Variants in SP140 observed in about 807,000 individuals in gnomAD.
SP140 encodes SP140 nuclear body protein.
A neutral mutation model predicts 125.0 loss-of-function variants in SP140; 81 were observed. The observed-to-expected ratio is 0.65, with a 90% CI of 0.54 to 0.78. The LOEUF (loss-of-function observed/expected upper bound fraction) is 0.78, where lower values mean the gene tolerates loss of function less well. Ranked by LOEUF, SP140 falls within the 30% of genes least tolerant of loss-of-function variation. The pLI is 0.00. For missense variants in SP140, 858 were observed against 1,037.0 expected, an observed-to-expected ratio of 0.83 and a Z score of 2.37; for synonymous variants, 312 against 354.0, an observed-to-expected ratio of 0.88 and a Z score of 1.33.
At position 230,248,916 on chromosome 2, in the gene SP140, T is replaced by C; in HGVS notation, c.924T>C (p.Thr308=). Residue 308 remains threonine, a synonymous_variant, in exon 9 of 27, where the codon ACT becomes ACC. Transcript: ENST00000392045. ...ETFDLKTPQV[T]NEGEPEKGLC... ...TTGATCTAAAAACTCCCCAAGTCAC[T>C]AATGAAGGAGAACCAGAGAAGGGGC... 1 of 1,612,772 alleles carries C rather than the reference T, an allele frequency of 6.2e-7. No individual in the cohort carries two copies. Among genetic ancestry groups the C allele is most frequent in the Non-Finnish European group, 8.5e-7 (1 of 1,178,848 alleles).
chr2:230,234,722 A>G (rs1380716060), intron 1 of SP140, among the ~76,000 whole-genome samples: 1 of 151,882 alleles, frequency 6.6e-6, no homozygotes, highest in Non-Finnish European at 1.5e-5. Flanking sequence ...ATTTTCATTC[A>G]CTTTTTAAAA....
At chr2:230,269,710 TATAAGG>T (rs2053635763) in intron 13 of SP140, 92 bp downstream of exon 13, 1 of 1,060,060 alleles carries the variant, frequency 9.4e-7, no homozygotes, top group Admixed American at 2.1e-5. Context: ...AAGAGTCAAA[TATAAGG>T]AGGAGCAGTG....
At chr2:230,309,633 A>C (rs1458834745) in intron 22 of SP140, among the ~76,000 whole-genome samples, 1 of 152,266 alleles carries the variant, frequency 6.6e-6, no homozygotes. Flanking sequence ...GAAATTATTC[A>C]GATTCCTATA....
At chr2:230,301,054 A>G (rs1023787973) in intron 22 of SP140, among the ~76,000 whole-genome samples, 2 of 152,208 alleles carry the variant, frequency 1.3e-5, no homozygotes, top group African/African-American at 4.8e-5. Flanking sequence ...AGAATGAACT[A>G]CAGAACTCGA....
chr2:230,233,968 G>T (rs190183493), intron 1 of SP140, among the ~76,000 whole-genome samples: 4 of 152,304 alleles, frequency 2.6e-5, no homozygotes, highest in South Asian at 4.1e-4. Flanking sequence ...ATCCTAGGGG[G>T]TCCCTAACCC....
At chr2:230,221,795 A>T (rs898328217), upstream of SP140, 24 of 1,383,592 alleles carry the variant, frequency 1.7e-5, 1 homozygote, top group Admixed American at 4.8e-4. Context: ...CTATTCAGAG[A>T]TACACCAGGC....
At chr2:230,285,902 G>T in intron 17 of SP140, 70 bp downstream of exon 17, 1 of 1,160,904 alleles carries the variant, frequency 8.6e-7, no homozygotes, top group Non-Finnish European at 1.3e-6. Flanking sequence ...GTATTGACGA[G>T]CCTAGATCCA....
At chr2:230,309,595 C>T (rs2059145075) in intron 22 of SP140, among the ~76,000 whole-genome samples, 1 of 152,214 alleles carries the variant, frequency 6.6e-6, no homozygotes. Context: ...CACTTCATTT[C>T]AAAACCTGGT....
At chr2:230,253,162 G>A (rs893808957) in intron 10 of SP140, among the ~76,000 whole-genome samples, 154 bp from the exon 11 acceptor site, 5 of 152,180 alleles carry the variant, frequency 3.3e-5, no homozygotes, top group African/African-American at 1.2e-4. Context: ...GAACGGTGAG[G>A]AGGACACTGA....
intron 15 of SP140, among the ~76,000 whole-genome samples, chr2:230,272,467 A>G (rs2054075263): frequency 6.6e-6 from 1 of 152,104 alleles, no homozygotes; most frequent in South Asian, 2.1e-4. Flanking sequence ...TGCTATTCTC[A>G]TAATAGTGAA....
At chr2:230,252,573 G>T (rs1237844372) in intron 10 of SP140, among the ~76,000 whole-genome samples, 2 of 152,160 alleles carry the variant, frequency 1.3e-5, no homozygotes, top group African/African-American at 4.8e-5. Flanking sequence ...GTGCCAACAT[G>T]GGGTGGGAGA....
rs200392388 is a variant in SP140 at position 230,238,317 on chromosome 2, G to A, written c.342G>A (p.Leu114=). 3.7e-6 allele frequency: 6 copies of A among 1,614,056 alleles called. No individual in the cohort carries two copies. Among genetic ancestry groups the A allele is most frequent in the Non-Finnish European group, 5.1e-6 (6 of 1,179,952 alleles). Reference sequence around the variant, plus strand: ...TTGGCTGGTCACATCTGGAAGCATTGTTCAGCAGGATTAACCTGATGGCCT... The same window carrying A: ...TTGGCTGGTCACATCTGGAAGCATTATTCAGCAGGATTAACCTGATGGCCT... ...KTFGWSHLEA[L]FSRINLMAYP... Residue 114 remains leucine (L), a synonymous_variant, in exon 3 of 27, where the codon TTG becomes TTA. Coordinates refer to ENST00000392045, the MANE Select transcript of SP140 (RefSeq NM_007237.5).
Position 230,309,923 on chromosome 2 carries a change from G to C in SP140, c.2059-1G>C. 6.2e-7 allele frequency: 1 copy of C among 1,613,592 alleles called. No individual in the cohort carries two copies. The highest frequency in any genetic ancestry group is 8.5e-7 in the Non-Finnish European group (1 of 1,180,002). ...GACGTGGACACTGTTTTATCTTCTA[G>C]ATGAGAAACCTGGATGAGTGTGAGG... is the stretch of plus-strand genomic sequence containing the variant. On this transcript the variant is annotated splice_acceptor_variant, in intron 22 of 26. Coordinates refer to ENST00000392045, the MANE Select transcript of SP140 (RefSeq NM_007237.5). LOFTEE classifies it high-confidence loss of function.
At chr2:230,209,049 A>G (rs1056433481) in intron 1 of SP140, among the ~76,000 whole-genome samples, 6 of 152,250 alleles carry the variant, frequency 3.9e-5, no homozygotes, top group African/African-American at 1.4e-4. Context: ...AAATAAGCAC[A>G]GAAAAATATA....
chr2:230,241,046 G>A (rs911646102), intron 3 of SP140, among the ~76,000 whole-genome samples: 2 of 152,182 alleles, frequency 1.3e-5, no homozygotes, highest in East Asian at 1.9e-4. Flanking sequence ...TAAGCAAGTT[G>A]TAAGAGTACA....
intron 16 of SP140, 37 bp downstream of exon 16, chr2:230,284,448 T>C (rs2056081822): frequency 1.3e-6 from 2 of 1,554,710 alleles, no homozygotes; most frequent in South Asian, 1.2e-5. Context: ...AGCTTTTGAG[T>C]TTATTAGGGC....
chr2:230,237,015 A>G lies in SP140; in HGVS notation c.60-68A>G, dbSNP rs571586967. ...CCATTGGCCATCCTTCATGTCTAAA[A>G]TCTTCTAACCACCACAAACCTCTTG... On this transcript the variant is annotated intron_variant, in intron 1 of 26. Coordinates refer to ENST00000392045, the MANE Select transcript of SP140 (RefSeq NM_007237.5). The surrounding 1 kb of genome is among the most constrained non-coding windows in gnomAD (Gnocchi z 5.4). 2 of 1,322,870 alleles carry G rather than the reference A, an allele frequency of 1.5e-6. No homozygotes were observed. The highest frequency in any genetic ancestry group is 1.7e-5 in the South Asian group (1 of 59,664). 81.9% of individuals were successfully genotyped at this position (1,322,870 alleles called of 1,614,324 possible).
At chr2:230,235,458 A>G (rs2047831774) in intron 1 of SP140, among the ~76,000 whole-genome samples, 1 of 152,230 alleles carries the variant, frequency 6.6e-6, no homozygotes, top group African/African-American at 2.4e-5. Flanking sequence ...AGTTGTCATT[A>G]ATCAACGATT....
Position 230,236,683 on chromosome 2 carries a change from C to T in SP140, c.60-400C>T, listed in dbSNP as rs181785785. 4.6e-4 allele frequency among the ~76,000 whole-genome samples: 70 copies of T among 152,296 alleles called. No individual in the cohort carries two copies. In the East Asian group the frequency reaches 0.012, roughly 27 times the overall value. ...GGCAATCTGCCCTACTCCAAATTCA[C>T]CAATGTAAATGTTAATCTTATCCAA... On this transcript the variant is annotated intron_variant, in intron 1 of 26. Transcript: ENST00000392045.
Sources: gnomAD v4.1 joint callset for allele counts (sites outside exome capture counted in the v4.1 genomes callset) on GRCh38, gnomAD v4.1.1 for gene constraint, Gnocchi (gnomAD v3.1) non-coding constraint, MANE v1.5 for transcripts, NCBI Gene and HGNC (gene_info 2026-07-23, HGNC 2026-07-21) for gene names.